Variants in GALNT13 observed in about 807,000 individuals in gnomAD.
GALNT13 encodes the protein polypeptide N-acetylgalactosaminyltransferase 13.
GALNT13 carries 28 observed loss-of-function variants against 64.2 expected under a neutral mutation model. The ratio of observed to expected loss-of-function variants is 0.44; its 90% CI spans 0.32 to 0.60. The LOEUF (loss-of-function observed/expected upper bound fraction) is 0.60. GALNT13 is among the 20% of genes least tolerant of loss of function. GALNT13 has a pLI of 0.05. For synonymous variants in GALNT13, 214 were observed against 224.6 expected, an observed-to-expected ratio of 0.95 and a Z score of 0.42; for missense variants, 577 against 669.8, an observed-to-expected ratio of 0.86 and a Z score of 1.53.
At chr2:154,321,829 G>T (rs1489915928) in intron 9 of GALNT13, among the ~76,000 whole-genome samples, 1 of 152,060 alleles carries the variant, frequency 6.6e-6, no homozygotes, top group Non-Finnish European at 1.5e-5. Flanking sequence ...ATGTCATTAA[G>T]TAACATATAT....
chr2:154,152,838 TTTTTTCAAAG>T (rs2105630139), intron 4 of GALNT13, among the ~76,000 whole-genome samples: 2 of 152,262 alleles, frequency 1.3e-5, no homozygotes, highest in South Asian at 4.1e-4. Context: ...TTGTCTAAAT[TTTTTTCAAAG>T]TTTTCAACTT....
upstream of GALNT13, among the ~76,000 whole-genome samples, chr2:153,868,520 CTTAAAG>C (rs1310176931): frequency 6.6e-6 from 1 of 152,190 alleles, no homozygotes; most frequent in Non-Finnish European, 1.5e-5. Context: ...ATCTTAATCT[CTTAAAG>C]TTATATAATA....
At chr2:154,075,778 G>T (rs1158192675) in intron 3 of GALNT13, among the ~76,000 whole-genome samples, 1 of 148,012 alleles carries the variant, frequency 6.8e-6, no homozygotes, top group Non-Finnish European at 1.5e-5. Flanking sequence ...ATTTTTGTTT[G>T]TTTTTATCTC....
At chr2:153,954,393 G>A (rs182664922) in intron 3 of GALNT13, among the ~76,000 whole-genome samples, 24 of 151,864 alleles carry the variant, frequency 1.6e-4, no homozygotes, top group African/African-American at 5.5e-4. Context: ...TATATGTCCC[G>A]GATAATTTTC....
At chr2:153,848,730 TA>T in the GALNT13 span, among the ~76,000 whole-genome samples, 1 of 151,910 alleles carries the variant, frequency 6.6e-6, no homozygotes, top group African/African-American at 2.4e-5. Context: ...TACAAACTTT[TA>T]AAAAATCTTA....
chr2:154,445,132 G>A (rs1193716238), intron 12 of GALNT13, among the ~76,000 whole-genome samples: 1 of 151,792 alleles, frequency 6.6e-6, no homozygotes, highest in Non-Finnish European at 1.5e-5. Context: ...TCTCAATAAG[G>A]ACAAGATTTG....
the GALNT13 span, among the ~76,000 whole-genome samples, chr2:153,325,321 T>A: frequency 6.6e-6 from 1 of 152,088 alleles, no homozygotes; most frequent in Non-Finnish European, 1.5e-5. Context: ...GTAGTTTGTA[T>A]TTCTGTGAGA....
chr2:154,048,380 G>T (rs1699397989), intron 3 of GALNT13, among the ~76,000 whole-genome samples: 1 of 152,106 alleles, frequency 6.6e-6, no homozygotes, highest in Admixed American at 6.5e-5. Context: ...TACTCTGGGG[G>T]TAAAACTACC....
the GALNT13 span, among the ~76,000 whole-genome samples, chr2:153,357,883 C>T: frequency 6.4e-3 from 972 of 152,296 alleles, 7 homozygotes; most frequent in African/African-American, 0.022. Context: ...CACTAATTTA[C>T]ATCATTTTAT....
At chr2:154,209,312 G>A (rs1687642134) in intron 4 of GALNT13, among the ~76,000 whole-genome samples, 1 of 152,068 alleles carries the variant, frequency 6.6e-6, no homozygotes, top group Non-Finnish European at 1.5e-5. Flanking sequence ...AAATCTCAGT[G>A]GAGAATGTAA....
chr2:154,393,418 G>A (rs1266071115), intron 9 of GALNT13, among the ~76,000 whole-genome samples: 1 of 152,202 alleles, frequency 6.6e-6, no homozygotes, highest in Non-Finnish European at 1.5e-5. Context: ...GCCAGGACCA[G>A]TTAGATGTCC....
chr2:153,111,935 G>T, the GALNT13 span, among the ~76,000 whole-genome samples: 1 of 152,092 alleles, frequency 6.6e-6, no homozygotes, highest in Non-Finnish European at 1.5e-5. Flanking sequence ...TACCTTAATT[G>T]GTAATTTACA....
the GALNT13 span, among the ~76,000 whole-genome samples, chr2:153,566,878 A>G: frequency 6.6e-6 from 1 of 152,234 alleles, no homozygotes; most frequent in East Asian, 1.9e-4. Context: ...GTTGAGTCAT[A>G]ACAACCCTAT....
chr2:153,964,183 T>A (rs2105103411), intron 3 of GALNT13, among the ~76,000 whole-genome samples: 1 of 152,276 alleles, frequency 6.6e-6, no homozygotes, highest in Admixed American at 6.5e-5. Flanking sequence ...TCCTAGTGAC[T>A]CATGCCTGTA....
the GALNT13 span, among the ~76,000 whole-genome samples, chr2:153,431,443 G>A: frequency 1.3e-5 from 2 of 152,144 alleles, no homozygotes; most frequent in African/African-American, 4.8e-5. Flanking sequence ...TCAGATGAGA[G>A]CAGGGACAGA....
chr2:153,642,106 C>G, the GALNT13 span, among the ~76,000 whole-genome samples: 2 of 151,646 alleles, frequency 1.3e-5, no homozygotes, highest in Non-Finnish European at 2.9e-5. Flanking sequence ...ATCTTCATAC[C>G]CTACCTTAAA....
intron 4 of GALNT13, among the ~76,000 whole-genome samples, chr2:154,232,406 A>C (rs1051235210): frequency 6.6e-6 from 1 of 152,114 alleles, no homozygotes; most frequent in Non-Finnish European, 1.5e-5. Context: ...TTAAGGCACC[A>C]GGCCTTGATG....
the GALNT13 span, among the ~76,000 whole-genome samples, chr2:153,411,581 A>G: frequency 6.6e-6 from 1 of 152,206 alleles, no homozygotes; most frequent in African/African-American, 2.4e-5. Context: ...GGGTTGGAGT[A>G]TAAAGTTCAC....
At chr2:153,581,176 G>T in the GALNT13 span, among the ~76,000 whole-genome samples, 9 of 151,996 alleles carry the variant, frequency 5.9e-5, no homozygotes, top group Admixed American at 5.9e-4. Context: ...GTGATTATTG[G>T]ATTACTAAAT....
Sources: allele counts gnomAD v4.1 joint callset (sites outside exome capture counted in the v4.1 genomes callset), GRCh38; gene constraint gnomAD v4.1.1; transcripts MANE v1.5; gene names NCBI Gene and HGNC (gene_info 2026-07-23, HGNC 2026-07-21).